The following KCNIP1 variants were observed in gnomAD, a reference collection of about 807,000 sequenced individuals.
The protein encoded by KCNIP1 is potassium voltage-gated channel interacting protein 1, also known as A-type potassium channel modulatory protein KCNIP1.
A neutral mutation model predicts 33.0 loss-of-function variants in KCNIP1; 18 were observed. The observed-to-expected ratio is 0.55, with a 90% CI of 0.38 to 0.81. The LOEUF (loss-of-function observed/expected upper bound fraction) is 0.81. Among genes scored for constraint, KCNIP1 ranks in the 30% least tolerant of loss-of-function variants. The probability of loss-of-function intolerance (pLI) is 0.00; values close to 1 mark genes in which losing one functional copy is unlikely to be tolerated. For missense variants in KCNIP1, 238 were observed against 271.6 expected (o/e 0.88, Z 0.87); for synonymous variants, 93 against 98.3 (o/e 0.95, Z 0.32).
chr5:170,540,799 G>A (rs1756173789), intron 1 of KCNIP1, among the ~76,000 whole-genome samples: 2 of 152,172 alleles, frequency 1.3e-5, no homozygotes, highest in South Asian at 2.1e-4. Flanking sequence ...GTAGGCCATA[G>A]GATAGTGTGC....
At chr5:170,661,853 C>T (rs185660977) in intron 1 of KCNIP1, among the ~76,000 whole-genome samples, 161 of 152,288 alleles carry the variant, frequency 1.1e-3, no homozygotes, top group African/African-American at 3.4e-3. Flanking sequence ...CAACCTGTCC[C>T]GGAGGAGCTC....
At chr5:170,724,628 G>C (rs1302514877) in intron 5 of KCNIP1, among the ~76,000 whole-genome samples, 1 of 152,110 alleles carries the variant, frequency 6.6e-6, no homozygotes. Flanking sequence ...AAAATAATAA[G>C]TGAATTTAAC....
intron 1 of KCNIP1, among the ~76,000 whole-genome samples, chr5:170,437,286 A>AG (rs1364297811): frequency 5.9e-5 from 9 of 152,190 alleles, no homozygotes; most frequent in Non-Finnish European, 1.2e-4. Context: ...GGCCTGCTTC[A>AG]GGGGAGAAGG....
chr5:170,565,636 T>G (rs866865041), intron 1 of KCNIP1, among the ~76,000 whole-genome samples: 18 of 152,188 alleles, frequency 1.2e-4, no homozygotes, highest in African/African-American at 4.3e-4. Flanking sequence ...CTCATTCAAG[T>G]CCATTAATTT....
intron 1 of KCNIP1, among the ~76,000 whole-genome samples, chr5:170,417,061 A>G (rs1369408066): frequency 6.6e-6 from 1 of 152,240 alleles, no homozygotes; most frequent in Non-Finnish European, 1.5e-5. Context: ...ATGCAGTATT[A>G]TTTAGTATGT....
chr5:170,560,891 C>A (rs1276565778), intron 1 of KCNIP1, among the ~76,000 whole-genome samples: 1 of 152,132 alleles, frequency 6.6e-6, no homozygotes, highest in Non-Finnish European at 1.5e-5. Context: ...CTCTCCCACT[C>A]CTTCCTCCCC....
intron 1 of KCNIP1, among the ~76,000 whole-genome samples, chr5:170,631,263 C>T (rs1310842654): frequency 1.3e-5 from 2 of 152,148 alleles, no homozygotes; most frequent in African/African-American, 4.8e-5. Flanking sequence ...AGAATTCCTA[C>T]CTCCCAGGAC....
chr5:170,634,393 C>A (rs1005936737), intron 1 of KCNIP1, among the ~76,000 whole-genome samples: 2 of 152,168 alleles, frequency 1.3e-5, no homozygotes, highest in Non-Finnish European at 2.9e-5. Flanking sequence ...CAAAATGATT[C>A]AATAGGCCCA....
chr5:170,458,863 T>C (rs1169971405), intron 1 of KCNIP1, among the ~76,000 whole-genome samples: 1 of 152,152 alleles, frequency 6.6e-6, no homozygotes, highest in Non-Finnish European at 1.5e-5. Context: ...CACACCTCAA[T>C]ACTAACATTG....
At chr5:170,464,836 C>T (rs749261738) in intron 1 of KCNIP1, among the ~76,000 whole-genome samples, 3 of 152,182 alleles carry the variant, frequency 2.0e-5, no homozygotes, top group Non-Finnish European at 2.9e-5. Flanking sequence ...CCTCATCCAG[C>T]GACCAGACAG....
At chr5:170,679,884 C>T (rs1365030421) in intron 1 of KCNIP1, among the ~76,000 whole-genome samples, 1 of 151,994 alleles carries the variant, frequency 6.6e-6, no homozygotes, top group Non-Finnish European at 1.5e-5. Flanking sequence ...TTCTTTCAGT[C>T]TTTTACTGTT....
upstream of KCNIP1, among the ~76,000 whole-genome samples, chr5:170,501,278 G>A (rs945597917): frequency 6.6e-6 from 1 of 152,106 alleles, no homozygotes; most frequent in Admixed American, 6.5e-5. Context: ...AGGAGAAAGA[G>A]GTGAGGAACA....
At chr5:170,724,243 G>A (rs1324764855) in intron 5 of KCNIP1, among the ~76,000 whole-genome samples, 1 of 152,140 alleles carries the variant, frequency 6.6e-6, no homozygotes, top group Non-Finnish European at 1.5e-5. Context: ...TTAGAAAATA[G>A]AGGAGGATGG....
chr5:170,439,078 C>G (rs1198214911), intron 1 of KCNIP1, among the ~76,000 whole-genome samples: 1 of 152,194 alleles, frequency 6.6e-6, no homozygotes, highest in African/African-American at 2.4e-5. Flanking sequence ...TACAAATCAA[C>G]TGACAATGGA....
chr5:170,711,473 G>C (rs1344265360), intron 1 of KCNIP1, among the ~76,000 whole-genome samples: 4 of 152,326 alleles, frequency 2.6e-5, no homozygotes, highest in African/African-American at 7.2e-5. Context: ...GCGTAATGCT[G>C]TAACAGTGGA....
Position 170,476,307 on chromosome 5 carries a change from A to G in KCNIP1, c.88+122343A>G, listed in dbSNP as rs903659498. Reference sequence around the variant, plus strand: ...CTAATTAGCAGTTCCAAATTTTTAGATGCTCATATCTCTGACTAATTACAA... The same window carrying G: ...CTAATTAGCAGTTCCAAATTTTTAGGTGCTCATATCTCTGACTAATTACAA... On this transcript the variant is annotated intron_variant, in intron 1 of 7. Transcript: ENST00000377360. 2.0e-5 allele frequency among the ~76,000 whole-genome samples: 3 copies of G among 152,182 alleles called. 1 individual carries two copies. The highest frequency in any genetic ancestry group is 4.1e-4 in the South Asian group (2 of 4,830).
intron 1 of KCNIP1, among the ~76,000 whole-genome samples, chr5:170,637,279 G>A (rs1416577022): frequency 1.3e-5 from 2 of 151,972 alleles, no homozygotes; most frequent in African/African-American, 4.8e-5. Context: ...GACCCCGAGT[G>A]TCTGGCCAGG....
intron 1 of KCNIP1, among the ~76,000 whole-genome samples, chr5:170,360,055 C>T (rs184385354): frequency 7.2e-5 from 11 of 152,306 alleles, no homozygotes; most frequent in Admixed American, 2.0e-4. Context: ...CAGGAGAGTT[C>T]AGGCTGCCAC....
intron 1 of KCNIP1, among the ~76,000 whole-genome samples, chr5:170,591,953 A>G (rs1360287924): frequency 6.6e-6 from 1 of 152,100 alleles, no homozygotes; most frequent in African/African-American, 2.4e-5. Context: ...GTTCTTTTGG[A>G]TATGTATCCA....
Sources: allele counts gnomAD v4.1 joint callset (sites outside exome capture counted in the v4.1 genomes callset), GRCh38; gene constraint gnomAD v4.1.1; transcripts MANE v1.5; gene names NCBI Gene and HGNC (gene_info 2026-07-23, HGNC 2026-07-21).